SLC44A5: variants seen among roughly 807,000 people sequenced by gnomAD.
SLC44A5 encodes solute carrier family 44 member 5.
In SLC44A5, 57 loss-of-function variants were observed where a neutral mutation model predicts 101.8. The observed-to-expected ratio is 0.56, with a 90% CI of 0.45 to 0.70. SLC44A5 has a LOEUF of 0.70. Among genes scored for constraint, SLC44A5 ranks in the 30% least tolerant of loss-of-function variants. The pLI is 0.00. For synonymous variants in SLC44A5, 281 were observed against 290.9 expected (o/e 0.97, Z 0.35); for missense variants, 737 against 853.1 (o/e 0.86, Z 1.70).
intron 2 of SLC44A5, among the ~76,000 whole-genome samples, chr1:75,529,502 C>G (rs1436057332): frequency 3.3e-5 from 5 of 152,116 alleles, no homozygotes; most frequent in Non-Finnish European, 7.4e-5. Context: ...ATCAGGGTGG[C>G]CCAGTAAATG....
chr1:75,684,851 G>C, the SLC44A5 span, among the ~76,000 whole-genome samples: 1 of 152,146 alleles, frequency 6.6e-6, no homozygotes, highest in Admixed American at 6.5e-5. Flanking sequence ...TCTTCTCATA[G>C]CTCCATCATT....
intron 1 of SLC44A5, among the ~76,000 whole-genome samples, chr1:75,576,358 A>G (rs922235904): frequency 1.3e-5 from 2 of 151,576 alleles, no homozygotes; most frequent in African/African-American, 4.9e-5. Context: ...TCTTTTGCCC[A>G]GGCTGGAGTG....
At chr1:75,696,014 T>C in the SLC44A5 span, among the ~76,000 whole-genome samples, 1 of 152,018 alleles carries the variant, frequency 6.6e-6, no homozygotes, top group Non-Finnish European at 1.5e-5. Context: ...ATGTTACTCA[T>C]ATTCCACATT....
intron 2 of SLC44A5, among the ~76,000 whole-genome samples, chr1:75,446,233 C>G (rs990579190): frequency 2.0e-5 from 3 of 152,096 alleles, no homozygotes; most frequent in Admixed American, 1.3e-4. Flanking sequence ...TGTACAAAGT[C>G]CAGTCTTCAC....
At chr1:75,622,442 C>CT in the SLC44A5 span, among the ~76,000 whole-genome samples, 1 of 152,058 alleles carries the variant, frequency 6.6e-6, no homozygotes, top group Non-Finnish European at 1.5e-5. Flanking sequence ...TAATAGGGCA[C>CT]TTCTTTGTAC....
chr1:75,285,295 G>A (rs114708605), intron 5 of SLC44A5, among the ~76,000 whole-genome samples: 3,743 of 152,040 alleles, frequency 0.025, 152 homozygotes, highest in African/African-American at 0.086. Flanking sequence ...GGTGTTCATC[G>A]TAGCCTTAAA....
chr1:75,666,673 C>A, the SLC44A5 span, among the ~76,000 whole-genome samples: 34 of 152,214 alleles, frequency 2.2e-4, no homozygotes, highest in African/African-American at 8.2e-4. Flanking sequence ...TGATGAACAT[C>A]GATGTGAAAA....
intron 2 of SLC44A5, among the ~76,000 whole-genome samples, chr1:75,537,034 A>AAAAAAAAAAAAAAAAAAAAAAG (rs1553199990): frequency 1.1e-4 from 2 of 18,646 alleles, no homozygotes; most frequent in Non-Finnish European, 1.6e-4. Flanking sequence ...AAAAAAAAAA[A>AAAAAAAAAAAAAAAAAAAAAAG]TATATATCTA....
At chr1:75,211,829 TTTTC>T (rs1646861827) in intron 22 of SLC44A5, among the ~76,000 whole-genome samples, 1 of 149,582 alleles carries the variant, frequency 6.7e-6, no homozygotes, top group African/African-American at 2.5e-5. Flanking sequence ...TTTTCTTTTC[TTTTC>T]TTTTTTTTCT....
the SLC44A5 span, among the ~76,000 whole-genome samples, chr1:75,679,793 C>T: frequency 6.6e-6 from 1 of 152,040 alleles, no homozygotes; most frequent in Non-Finnish European, 1.5e-5. Context: ...GGACTAAATG[C>T]TCCAAGTAAA....
the SLC44A5 span, among the ~76,000 whole-genome samples, chr1:75,716,399 A>G: frequency 2.0e-5 from 3 of 151,996 alleles, no homozygotes; most frequent in African/African-American, 4.8e-5. Context: ...TGGGCTGGGG[A>G]GGTCGAGGCT....
At chr1:75,330,996 A>T (rs1657012928) in intron 4 of SLC44A5, among the ~76,000 whole-genome samples, 1 of 144,860 alleles carries the variant, frequency 6.9e-6, no homozygotes, top group African/African-American at 2.6e-5. Flanking sequence ...CTTCTACAAC[A>T]TCTGATTCTC....
chr1:75,415,362 C>T (rs1329849077), intron 2 of SLC44A5, among the ~76,000 whole-genome samples: 1 of 152,142 alleles, frequency 6.6e-6, no homozygotes, highest in Admixed American at 6.5e-5. Context: ...TTGCCTGCTG[C>T]CATCCATGTA....
At chr1:75,274,026 A>T (rs1651716000) in intron 6 of SLC44A5, among the ~76,000 whole-genome samples, 1 of 152,104 alleles carries the variant, frequency 6.6e-6, no homozygotes. Context: ...GTCAATTTTT[A>T]AAATTACTGA....
At position 75,525,362 on chromosome 1, in the gene SLC44A5, T is replaced by C. The variant is rs181185048; in HGVS notation, c.13+16073A>G. 3.9e-4 allele frequency among the ~76,000 whole-genome samples: 60 copies of C among 152,294 alleles called. 1 individual carries two copies. Among genetic ancestry groups the C allele is most frequent in the African/African-American group, 1.4e-3 (60 of 41,586 alleles). The stretch of plus-strand genomic sequence containing the variant: ...TGAAATAAGAATATCACTTATGGAA[T>C]ATCCTAGCCAAAAATGTTTAATTTA... On this transcript the variant is annotated intron_variant, in intron 2 of 23. Transcript: ENST00000370859.
intron 2 of SLC44A5, among the ~76,000 whole-genome samples, chr1:75,452,474 G>A (rs1202808033): frequency 6.6e-6 from 1 of 152,082 alleles, no homozygotes; most frequent in Non-Finnish European, 1.5e-5. Flanking sequence ...CACAGACCCT[G>A]TAAAGCCCCC....
intron 5 of SLC44A5, among the ~76,000 whole-genome samples, chr1:75,297,856 A>C (rs1654089183): frequency 6.6e-6 from 1 of 152,204 alleles, no homozygotes; most frequent in Admixed American, 6.5e-5. Context: ...ATCAAATGTT[A>C]AGTGTCTCTG....
At chr1:75,285,669 A>C (rs189163409) in intron 5 of SLC44A5, among the ~76,000 whole-genome samples, 51 of 152,074 alleles carry the variant, frequency 3.4e-4, no homozygotes, top group Non-Finnish European at 6.8e-4. Context: ...AGGTTGTGTC[A>C]CTATTTTCGT....
At chr1:75,454,244 A>T (rs753537357) in intron 2 of SLC44A5, among the ~76,000 whole-genome samples, 4 of 152,162 alleles carry the variant, frequency 2.6e-5, no homozygotes, top group African/African-American at 2.4e-5. Context: ...TTGGTTCAAC[A>T]TGCGCAAATC....
Sources: gnomAD v4.1 joint callset for allele counts (sites outside exome capture counted in the v4.1 genomes callset) on GRCh38, gnomAD v4.1.1 for gene constraint, MANE v1.5 for transcripts, NCBI Gene and HGNC (gene_info 2026-07-23, HGNC 2026-07-21) for gene names.